DCC: variants seen among roughly 807,000 people sequenced by gnomAD.
The protein encoded by DCC is netrin receptor DCC.
A neutral mutation model predicts 172.5 loss-of-function variants in DCC; 58 were observed. The ratio of observed to expected loss-of-function variants is 0.34; its 90% CI spans 0.27 to 0.42. The LOEUF is 0.42. Ranked by LOEUF, DCC falls within the 10% of genes least tolerant of loss-of-function variation. The probability of loss-of-function intolerance (pLI) is 1.00; values close to 1 mark genes in which losing one functional copy is unlikely to be tolerated. For missense variants in DCC, 1,740 were observed against 1,791.0 expected, an observed-to-expected ratio of 0.97 and a Z score of 0.51; for synonymous variants, 709 against 644.5, an observed-to-expected ratio of 1.10 and a Z score of -1.52.
intron 2 of DCC, among the ~76,000 whole-genome samples, chr18:52,804,129 T>G (rs539396227): frequency 2.1e-4 from 32 of 152,244 alleles, no homozygotes; most frequent in African/African-American, 7.7e-4. Context: ...AATTTTTACC[T>G]CCAATATTTT....
intron 9 of DCC, among the ~76,000 whole-genome samples, chr18:53,185,003 C>T (rs943191370): frequency 6.6e-6 from 1 of 152,144 alleles, no homozygotes; most frequent in African/African-American, 2.4e-5. Flanking sequence ...CACTCGACAA[C>T]AATTCAGTTG....
At chr18:52,834,290 C>A (rs1042111546) in intron 2 of DCC, among the ~76,000 whole-genome samples, 2 of 152,214 alleles carry the variant, frequency 1.3e-5, no homozygotes, top group African/African-American at 4.8e-5. Context: ...TTAACGGAAA[C>A]ATACAACATT....
At chr18:53,248,013 C>G (rs2056385319) in intron 12 of DCC, among the ~76,000 whole-genome samples, 1 of 151,964 alleles carries the variant, frequency 6.6e-6, no homozygotes, top group Non-Finnish European at 1.5e-5. Flanking sequence ...TGTCTGATCT[C>G]TTTGAATCCC....
intron 26 of DCC, among the ~76,000 whole-genome samples, chr18:53,497,315 A>T (rs892974336): frequency 2.0e-5 from 3 of 152,240 alleles, no homozygotes; most frequent in Non-Finnish European, 2.9e-5. Context: ...TTATCTTGAG[A>T]ATCCTTTGTG....
At chr18:53,458,823 G>C (rs776053364) in intron 23 of DCC, among the ~76,000 whole-genome samples, 8 of 152,066 alleles carry the variant, frequency 5.3e-5, no homozygotes, top group Non-Finnish European at 1.0e-4. Flanking sequence ...CATAAATTCT[G>C]GCCTTTTTTA....
At chr18:53,269,153 T>C (rs2056718176) in intron 12 of DCC, among the ~76,000 whole-genome samples, 1 of 152,160 alleles carries the variant, frequency 6.6e-6, no homozygotes, top group Non-Finnish European at 1.5e-5. Flanking sequence ...CTTGTGCCTG[T>C]GCATATGGGA....
At chr18:52,417,133 G>C (rs1987064224) in intron 1 of DCC, among the ~76,000 whole-genome samples, 1 of 152,018 alleles carries the variant, frequency 6.6e-6, no homozygotes, top group African/African-American at 2.4e-5. Context: ...CACTTATGAA[G>C]CTTAGTTTGG....
chr18:52,633,123 T>TTCCTG (rs373353322), intron 1 of DCC, among the ~76,000 whole-genome samples: 4,307 of 128,896 alleles, frequency 0.033, 198 homozygotes, highest in African/African-American at 0.11. Context: ...TTCCTTTCCT[T>TTCCTG]TCCTGTCCTG....
intron 1 of DCC, among the ~76,000 whole-genome samples, chr18:52,447,640 A>G (rs1455906636): frequency 6.6e-6 from 1 of 152,164 alleles, no homozygotes; most frequent in East Asian, 1.9e-4. Context: ...TAATAGGCTC[A>G]TGGTTCTACA....
intron 1 of DCC, among the ~76,000 whole-genome samples, chr18:52,660,381 A>G (rs1453893399): frequency 6.6e-6 from 1 of 152,080 alleles, no homozygotes; most frequent in Non-Finnish European, 1.5e-5. Flanking sequence ...GCAATAGTCA[A>G]TTTAAATCCA....
chr18:53,258,300 T>C (rs1164881633), intron 12 of DCC, among the ~76,000 whole-genome samples: 5 of 152,196 alleles, frequency 3.3e-5, no homozygotes. Flanking sequence ...TTAATTGTGA[T>C]GTTAGGGTGT....
At chr18:52,436,932 AC>A (rs1987815434) in intron 1 of DCC, among the ~76,000 whole-genome samples, 1 of 152,168 alleles carries the variant, frequency 6.6e-6, no homozygotes, top group African/African-American at 2.4e-5. Context: ...AAAAATGAAA[AC>A]AAAAATTATC....
intron 1 of DCC, among the ~76,000 whole-genome samples, chr18:52,568,358 G>A (rs1176051440): frequency 6.6e-6 from 1 of 151,882 alleles, no homozygotes; most frequent in African/African-American, 2.4e-5. Flanking sequence ...TAAACAAACT[G>A]ATACATCCAA....
chr18:53,112,661 T>G (rs2043349550), intron 7 of DCC, among the ~76,000 whole-genome samples: 1 of 151,526 alleles, frequency 6.6e-6, no homozygotes, highest in Admixed American at 6.6e-5. Context: ...TTTTTTAGAC[T>G]CTTAAAGGGC....
chr18:52,427,851 C>CCTTTCTTT (rs1987491315), intron 1 of DCC, among the ~76,000 whole-genome samples: 1 of 87,136 alleles, frequency 1.1e-5, no homozygotes, highest in African/African-American at 5.7e-5. Context: ...TTCCTTCCTT[C>CCTTTCTTT]CTTCCTTCCT....
chr18:53,518,112 T>C (rs2046359486), intron 27 of DCC, among the ~76,000 whole-genome samples: 1 of 152,128 alleles, frequency 6.6e-6, no homozygotes, highest in South Asian at 2.1e-4. Flanking sequence ...ATAATAAGTA[T>C]ATATAAGAAT....
intron 9 of DCC, among the ~76,000 whole-genome samples, chr18:53,191,658 G>A (rs184016307): frequency 3.7e-4 from 57 of 152,288 alleles, no homozygotes; most frequent in African/African-American, 1.3e-3. Flanking sequence ...GAGTTTTCGA[G>A]TTACCAAAAT....
intron 15 of DCC, among the ~76,000 whole-genome samples, chr18:53,351,370 TATATATATATACA>T (rs2057800968): frequency 1.2e-4 from 4 of 32,364 alleles, no homozygotes; most frequent in East Asian, 3.8e-4. Flanking sequence ...ATATATACTG[TATATATATATACA>T]GTATATATAT....
In DCC at chr18:53,467,899, G is replaced by A; in HGVS notation, c.3625G>A (p.Asp1209Asn). Residue 1209 changes from aspartate (D) to asparagine (N), a missense_variant, in exon 25 of 29, where the codon GAC becomes AAC. Around this residue, in one of 2 missense-constraint regions of DCC, gnomAD observed 1,732 missense variants for 1,767.4 expected, o/e 0.98. Transcript: ENST00000442544. ...CAGGAGTGTGTATTTTTTAGGTCAAGACACTGAGGAAGCAGGGAGCTCTAT... is the reference window on the plus strand; with the variant it reads ...CAGGAGTGTGTATTTTTTAGGTCAAAACACTGAGGAAGCAGGGAGCTCTAT... ...GSKSTSHSGQ[D>N]TEEAGSSMST... 1 of 1,576,150 alleles carries A rather than the reference G, an allele frequency of 6.3e-7. No individual in the cohort carries two copies. The highest frequency in any genetic ancestry group is 1.1e-5 in the South Asian group (1 of 90,428).
Sources: gnomAD v4.1 joint callset for allele counts (sites outside exome capture counted in the v4.1 genomes callset) on GRCh38, gnomAD v4.1.1 for gene constraint, gnomAD v4.1.1 regional missense constraint, MANE v1.5 for transcripts, NCBI Gene and HGNC (gene_info 2026-07-23, HGNC 2026-07-21) for gene names.